The following DOC2A variants were observed in gnomAD, a reference collection of about 807,000 sequenced individuals.
DOC2A encodes double C2-like domain-containing protein alpha.
In DOC2A, 28 loss-of-function variants were observed where a neutral mutation model predicts 40.6. The observed-to-expected ratio is 0.69, with a 90% CI of 0.51 to 0.95. DOC2A has a LOEUF of 0.95. Ranked by LOEUF, DOC2A falls within the 40% of genes least tolerant of loss-of-function variation. The pLI, the probability that DOC2A is intolerant of heterozygous loss-of-function variation, is 0.00. For missense variants in DOC2A, 474 were observed against 552.5 expected (o/e 0.86, Z 1.42); for synonymous variants, 241 against 236.9 (o/e 1.02, Z -0.16).
At position 30,009,952 on chromosome 16, in the gene DOC2A, C is replaced by T; in HGVS notation, c.262+9G>A. On this transcript the variant is annotated intron_variant, in intron 2 of 10. Coordinates refer to ENST00000350119, the MANE Select transcript of DOC2A (RefSeq NM_003586.3). This position sits in a 1 kb window ranked among gnomAD's most constrained non-coding sequence, Gnocchi z 4.1. ...CCAGCACATGGGGCCTCCAAGCCCCCAGACTCACTGGCATCATCCGAGTCA... is the reference window on the plus strand; with the variant it reads ...CCAGCACATGGGGCCTCCAAGCCCCTAGACTCACTGGCATCATCCGAGTCA... The T allele has an allele frequency of 6.2e-7, 1 of 1,611,102 alleles. No homozygotes were observed. Among genetic ancestry groups the T allele is most frequent in the Non-Finnish European group, 8.5e-7 (1 of 1,179,722 alleles).
chr16:30,011,423 ACTC>A, upstream of DOC2A: 2 of 980,632 alleles, frequency 2.0e-6, no homozygotes, highest in Non-Finnish European at 2.4e-6. Context: ...TTCCCCAACT[ACTC>A]CTGGGAGACC....
Position 30,010,872 on chromosome 16 carries a change from G to T in DOC2A, c.-14+31C>A. On this transcript the variant is annotated intron_variant, in intron 1 of 10. Coordinates refer to ENST00000350119, the MANE Select transcript of DOC2A (RefSeq NM_003586.3). The surrounding 1 kb of genome is among the most constrained non-coding windows in gnomAD (Gnocchi z 4.2). ...CTGGCACGCTTCCCCGCACCCTCACGCCCCCGGCCTGCCCAGCCCCCTGCA... is the reference window on the plus strand; with the variant it reads ...CTGGCACGCTTCCCCGCACCCTCACTCCCCCGGCCTGCCCAGCCCCCTGCA... The T allele has an allele frequency of 1.0e-6, 1 of 1,000,140 alleles. No homozygotes were observed. The highest frequency in any genetic ancestry group is 1.2e-6 in the Non-Finnish European group (1 of 838,148). 62.0% of individuals were successfully genotyped at this position (1,000,140 alleles called of 1,614,324 possible). A position where few individuals can be genotyped will look rare whatever the true frequency, so the allele number is the denominator to read the frequency against.
rs1028912323 is a variant in DOC2A, at chr16:30,005,579, G to A, written c.*607C>T. 6 of 852,456 alleles carry A rather than the reference G, an allele frequency of 7.0e-6. No homozygotes were observed. In the East Asian group the frequency reaches 8.7e-5, roughly 12 times the overall value. The allele number at this position is 852,456 out of a possible 1,614,324, so 52.8% of individuals were successfully genotyped here. A position where few individuals can be genotyped will look rare whatever the true frequency, so the allele number is the denominator to read the frequency against. On this transcript the variant is annotated 3_prime_UTR_variant, in exon 11 of 11. Transcript: ENST00000350119. ...GGCCACTGACACAACCAGAAAAGGC[G>A]TAAACATGCACGGGTGTCCCCCAGG...
intron 1 of DOC2A, among the ~76,000 whole-genome samples, chr16:30,020,284 T>C (rs981284659): frequency 9.9e-4 from 150 of 152,232 alleles, no homozygotes; most frequent in African/African-American, 3.3e-3. Flanking sequence ...CCTCAAGTGA[T>C]CCACCCATCT....
At chr16:30,011,475 C>T (rs1567285153), upstream of DOC2A, 4 of 945,216 alleles carry the variant, frequency 4.2e-6, no homozygotes, top group Non-Finnish European at 5.0e-6. Context: ...GCCACGGCGC[C>T]TCCCTCCCTC....
upstream of DOC2A, among the ~76,000 whole-genome samples, chr16:30,016,048 TATA>T (rs1384846197): frequency 3.4e-4 from 9 of 26,746 alleles, no homozygotes; most frequent in Admixed American, 1.1e-3. Flanking sequence ...TATATATATA[TATA>T]TATATTTTTT....
Position 30,006,472 on chromosome 16 carries a change from G to C in DOC2A, c.998C>G (p.Thr333Ser). ...FYEIELSTLA[T>S]KTLEVTVWDY... ...CCAGACGGTGACTTCCAGGGTCTTG[G>C]TGGCCAGAGTGGAGAGCTCTATCTC... is the stretch of plus-strand genomic sequence containing the variant. The change falls in exon 10 of 11, where the codon ACC becomes AGC. Residue 333 changes from threonine to serine, a missense_variant. Coordinates refer to ENST00000350119, the MANE Select transcript of DOC2A (RefSeq NM_003586.3). This position sits in a 1 kb window ranked among gnomAD's most constrained non-coding sequence, Gnocchi z 6.2. The C allele has an allele frequency of 6.2e-7, 1 of 1,613,674 alleles. No individual in the cohort carries two copies. The highest frequency in any genetic ancestry group is 1.1e-5 in the South Asian group (1 of 91,046).
upstream of DOC2A, among the ~76,000 whole-genome samples, chr16:30,014,187 TA>T (rs61188772): frequency 0.25 from 37,437 of 147,530 alleles, 5,703 homozygotes; most frequent in East Asian, 0.55. Flanking sequence ...TTTTTTTTTT[TA>T]AATATACAAG....
Position 30,009,945 on chromosome 16 carries a change from A to G in DOC2A, c.262+16T>C. On this transcript the variant is annotated intron_variant, in intron 2 of 10. Transcript: ENST00000350119. The surrounding 1 kb of genome is among the most constrained non-coding windows in gnomAD (Gnocchi z 4.1). ...ACCCCCACCAGCACATGGGGCCTCC[A>G]AGCCCCCAGACTCACTGGCATCATC... 1.2e-6 allele frequency: 2 copies of G among 1,604,034 alleles called. No homozygotes were observed. Among genetic ancestry groups the G allele is most frequent in the Non-Finnish European group, 1.7e-6 (2 of 1,176,354 alleles).
chr16:30,014,048 CA>C (rs2070828796), upstream of DOC2A, among the ~76,000 whole-genome samples: 1 of 151,884 alleles, frequency 6.6e-6, no homozygotes, highest in South Asian at 2.1e-4. Context: ...TAGCACGTTC[CA>C]AAAGACTGGA....
upstream of DOC2A, among the ~76,000 whole-genome samples, chr16:30,016,056 T>TATATATATATATATATA (rs1491508395): frequency 1.6e-4 from 2 of 12,640 alleles, no homozygotes; most frequent in African/African-American, 6.9e-4. Flanking sequence ...TATATATATA[T>TATATATATATATATATA]TTTTTTTTTT....
rs754615522 is a variant in DOC2A, at chr16:30,006,380, G to A, written c.1057+33C>T. 94 of 1,613,156 alleles carry A rather than the reference G, an allele frequency of 5.8e-5. No homozygotes were observed. The highest frequency in any genetic ancestry group is 1.9e-4 in the African/African-American group (14 of 74,812). ...AGGGCCACCTCCCTGCCACTTGCCC[G>A]CCCTCAACACCCGCAGCCAGCTCCT... On this transcript the variant is annotated intron_variant, in intron 10 of 10. Coordinates refer to ENST00000350119, the MANE Select transcript of DOC2A (RefSeq NM_003586.3). This position sits in a 1 kb window ranked among gnomAD's most constrained non-coding sequence, Gnocchi z 6.2.
At position 30,009,064 on chromosome 16, in the gene DOC2A, A is replaced by G. The variant is rs912409908; in HGVS notation, c.459T>C (p.Asn153=). Residue 153 remains asparagine (N), a synonymous_variant, in exon 5 of 11, where the codon AAT becomes AAC. Coordinates refer to ENST00000350119, the MANE Select transcript of DOC2A (RefSeq NM_003586.3). The surrounding 1 kb of genome is among the most constrained non-coding windows in gnomAD (Gnocchi z 4.1). The part of the protein sequence containing the change: ...LKTKTQRNTL[N]PVWNEDLTYS... The stretch of plus-strand genomic sequence containing the variant: ...AAGTCAGGTCCTCATTCCACACGGG[A>G]TTCAGTGTGTTCCTCTGAGTCTTCG... The G allele has an allele frequency of 6.2e-6, 10 of 1,613,372 alleles. No homozygotes were observed. Among genetic ancestry groups the G allele is most frequent in the Admixed American group, 1.7e-5 (1 of 59,960 alleles).
upstream of DOC2A, among the ~76,000 whole-genome samples, chr16:30,013,296 C>T (rs760603036): frequency 8.0e-5 from 11 of 136,952 alleles, no homozygotes; most frequent in Non-Finnish European, 1.2e-4. Context: ...GATGGAGTCT[C>T]GCTCTGTCGC....
At chr16:30,012,904 T>C (rs536272062), upstream of DOC2A, among the ~76,000 whole-genome samples, 22 of 151,790 alleles carry the variant, frequency 1.4e-4, no homozygotes, top group Non-Finnish European at 2.9e-4. Context: ...GGCAGGAGGA[T>C]CGCTTGAACC....
upstream of DOC2A, among the ~76,000 whole-genome samples, chr16:30,022,095 A>G (rs1241866930): frequency 6.6e-6 from 1 of 151,794 alleles, no homozygotes; most frequent in Non-Finnish European, 1.5e-5. Flanking sequence ...CTAAAAGTAC[A>G]AAAATCAGCC....
intron 5 of DOC2A, chr16:30,007,912 C>A: frequency 6.2e-6 from 1 of 161,482 alleles, no homozygotes; most frequent in Non-Finnish European, 1.4e-5. Context: ...TGCCTCAATT[C>A]CCATCTGTAA....
At position 30,010,333 on chromosome 16, in the gene DOC2A, CT is replaced by C; in HGVS notation, c.-13-99del. The C allele has an allele frequency of 6.5e-7, 1 of 1,527,646 alleles. No homozygotes were observed. Among genetic ancestry groups the C allele is most frequent in the Non-Finnish European group, 9.0e-7 (1 of 1,116,122 alleles). 94.6% of individuals were successfully genotyped at this position (1,527,646 alleles called of 1,614,324 possible). ...CTCGGTCTGTGGGGCCCTCACTGGCCTCCCTTCCTAGGTGTCGAGGGAGAGG... is the reference window on the plus strand; with the variant it reads ...CTCGGTCTGTGGGGCCCTCACTGGCCCCCTTCCTAGGTGTCGAGGGAGAGG... On this transcript the variant is annotated intron_variant, in intron 1 of 10. Transcript: ENST00000350119. The surrounding 1 kb of genome is among the most constrained non-coding windows in gnomAD (Gnocchi z 4.2).
chr16:30,006,529 C>A lies in DOC2A; in HGVS notation c.961-20G>T, dbSNP rs1237675290. The A allele has an allele frequency of 6.2e-7, 1 of 1,613,598 alleles. No individual in the cohort carries two copies. Among genetic ancestry groups the A allele is most frequent in the African/African-American group, 1.3e-5 (1 of 74,844 alleles). On this transcript the variant is annotated intron_variant, in intron 9 of 10. Coordinates refer to ENST00000350119, the MANE Select transcript of DOC2A (RefSeq NM_003586.3). The surrounding 1 kb of genome is among the most constrained non-coding windows in gnomAD (Gnocchi z 6.2). ...AAACTCCTAGGGACAAGGCCGGCCA[C>A]CCGTTCGTGAGCCAGCTCCCCAGCC...
Sources: gnomAD v4.1 joint callset for allele counts (sites outside exome capture counted in the v4.1 genomes callset) on GRCh38, gnomAD v4.1.1 for gene constraint, Gnocchi (gnomAD v3.1) non-coding constraint, MANE v1.5 for transcripts, NCBI Gene and HGNC (gene_info 2026-07-23, HGNC 2026-07-21) for gene names.